Variants in PRPF3 observed in about 807,000 individuals in gnomAD.
The protein encoded by PRPF3 is pre-mRNA processing factor 3.
PRPF3 carries 3 observed loss-of-function variants against 89.2 expected under a neutral mutation model. That is an observed-to-expected ratio of 0.03 (90% CI 0.02 to 0.09). The LOEUF (loss-of-function observed/expected upper bound fraction) is 0.09, where lower values mean the gene tolerates loss of function less well. PRPF3 is among the 10% of genes least tolerant of loss of function. The pLI, the probability that PRPF3 is intolerant of heterozygous loss-of-function variation, is 1.00. For missense variants in PRPF3, 463 were observed against 828.8 expected, an observed-to-expected ratio of 0.56 and a Z score of 5.42; for synonymous variants, 270 against 289.1, an observed-to-expected ratio of 0.93 and a Z score of 0.67.
intron 4 of PRPF3, 138 bp from the exon 5 acceptor site, chr1:150,332,546 T>A: frequency 1.2e-6 from 1 of 823,790 alleles, no homozygotes; most frequent in Non-Finnish European, 2.1e-6. Context: ...TTTTGCACTG[T>A]GGTGCAGGCA....
chr1:150,335,477 T>A (rs115588870), intron 7 of PRPF3, among the ~76,000 whole-genome samples: 9 of 152,242 alleles, frequency 5.9e-5, no homozygotes, highest in African/African-American at 9.6e-5. Flanking sequence ...TATTATTATT[T>A]TTTTCGAGAT....
intron 9 of PRPF3, 67 bp downstream of exon 9, chr1:150,340,544 G>T: frequency 8.3e-7 from 1 of 1,212,098 alleles, no homozygotes; most frequent in South Asian, 1.2e-5. Context: ...ATACAGTGAG[G>T]AACATGTTCT....
At chr1:150,352,575 G>T (rs1659045652) in intron 15 of PRPF3, among the ~76,000 whole-genome samples, 1 of 152,192 alleles carries the variant, frequency 6.6e-6, no homozygotes, top group Non-Finnish European at 1.5e-5. Flanking sequence ...TGAGGCAGGA[G>T]AATGGTGTGA....
intron 8 of PRPF3, 104 bp from the exon 9 acceptor site, chr1:150,340,294 G>T (rs1016365079): frequency 1.3e-6 from 1 of 794,636 alleles, no homozygotes; most frequent in African/African-American, 1.7e-5. Context: ...TCAAGCACAA[G>T]AACCCATTAT....
rs1658312724 is a variant in PRPF3 at position 150,346,816 on chromosome 1, G to T, written c.1843+325G>T. Among the ~76,000 whole-genome samples, 3 of 152,188 alleles carry T rather than the reference G, an allele frequency of 2.0e-5. No homozygotes were observed. The South Asian group carries it at 6.2e-4, about 32-fold the overall frequency. On this transcript the variant is annotated intron_variant, in intron 14 of 15. Transcript: ENST00000324862. ...AAAATTCAGCAAGCAGCTAGGCATG[G>T]TGGCTCATGCCTGTAATCCTAGCAC...
chr1:150,340,620 T>C (rs782365472), intron 9 of PRPF3, 143 bp downstream of exon 9: 1 of 718,112 alleles, frequency 1.4e-6, no homozygotes. Context: ...TTCAGTTTTT[T>C]TCCTGACAAT....
At chr1:150,332,584 T>C (rs1263869650) in intron 4 of PRPF3, 100 bp from the exon 5 acceptor site, 1 of 1,151,232 alleles carries the variant, frequency 8.7e-7, no homozygotes, top group African/African-American at 1.5e-5. Context: ...TCAAAACATT[T>C]TAAGTGTCTA....
chr1:150,348,196 T>C (rs1369110692), intron 14 of PRPF3, among the ~76,000 whole-genome samples: 1 of 151,894 alleles, frequency 6.6e-6, no homozygotes, highest in Non-Finnish European at 1.5e-5. Context: ...CAGCCTGACA[T>C]GGTGAAACCC....
chr1:150,338,564 G>A (rs1425156328), intron 8 of PRPF3, among the ~76,000 whole-genome samples: 2 of 144,770 alleles, frequency 1.4e-5, no homozygotes, highest in African/African-American at 2.6e-5. Flanking sequence ...GCAGTGGCAC[G>A]ATCTCAGCTC....
chr1:150,338,237 C>T lies in PRPF3; in HGVS notation c.1113C>T (p.Ala371=). The part of the protein sequence containing the change: ...KTGIHTSTRL[A]LIAPKKELKE... ...GCATCCATACTTCGACTAGGCTTGC[C>T]CTCATTGCTCCTAAGAAGGAGCTAA... Residue 371 remains alanine (A), a synonymous_variant, in exon 8 of 16, where the codon GCC becomes GCT. Coordinates refer to ENST00000324862, the MANE Select transcript of PRPF3 (RefSeq NM_004698.4). 2 of 1,614,038 alleles carry T rather than the reference C, an allele frequency of 1.2e-6. No homozygotes were observed. The highest frequency in any genetic ancestry group is 8.5e-7 in the Non-Finnish European group (1 of 1,179,984).
chr1:150,337,093 C>T (rs587769430), intron 7 of PRPF3, among the ~76,000 whole-genome samples: 1 of 138,134 alleles, frequency 7.2e-6, no homozygotes, highest in South Asian at 2.3e-4. Context: ...GGCTGCAGTG[C>T]AGTGGCACGA....
chr1:150,343,283 G>T, intron 9 of PRPF3, 26 bp from the exon 10 acceptor site: 2 of 1,546,834 alleles, frequency 1.3e-6, no homozygotes, highest in South Asian at 1.1e-5. Context: ...TTACTGCTTT[G>T]GTATACTAAT....
chr1:150,334,275 T>C (rs1458745104), intron 6 of PRPF3, among the ~76,000 whole-genome samples: 1 of 152,118 alleles, frequency 6.6e-6, no homozygotes, highest in African/African-American at 2.4e-5. Context: ...CACTGTACTT[T>C]AGCCTGGGCA....
chr1:150,327,481 G>A (rs1488662239), intron 3 of PRPF3: 6 of 657,120 alleles, frequency 9.1e-6, no homozygotes, highest in East Asian at 1.4e-4. Flanking sequence ...CTTGGGATAC[G>A]GGTCCCATTT....
intron 14 of PRPF3, among the ~76,000 whole-genome samples, chr1:150,347,670 G>A (rs1553873289): frequency 6.6e-6 from 1 of 151,728 alleles, no homozygotes; most frequent in East Asian, 1.9e-4. Context: ...GGAGGTTGCA[G>A]TAAGCTGTGA....
intron 8 of PRPF3, among the ~76,000 whole-genome samples, chr1:150,339,219 A>G (rs1293388357): frequency 1.3e-5 from 2 of 151,312 alleles, no homozygotes; most frequent in African/African-American, 4.9e-5. Flanking sequence ...TTAAAAAAAA[A>G]AAAAAAGTAG....
chr1:150,337,056 T>TTTTTG (rs1657086531), intron 7 of PRPF3, among the ~76,000 whole-genome samples: 1 of 149,836 alleles, frequency 6.7e-6, no homozygotes, highest in African/African-American at 2.5e-5. Context: ...TTTTTTTTTT[T>TTTTTG]GAGACGGAGT....
chr1:150,326,425 T>C (rs1187948061), intron 3 of PRPF3, among the ~76,000 whole-genome samples: 1 of 152,178 alleles, frequency 6.6e-6, no homozygotes, highest in Non-Finnish European at 1.5e-5. Context: ...TTGGAGGAGT[T>C]GTCAGTACCC....
At chr1:150,346,248 T>A (rs1553872918) in intron 13 of PRPF3, 112 bp downstream of exon 13, 1 of 1,232,042 alleles carries the variant, frequency 8.1e-7, no homozygotes, top group African/African-American at 1.5e-5. Context: ...ATACCTGATA[T>A]AATATGCTAG....
Sources: gnomAD v4.1 joint callset for allele counts (sites outside exome capture counted in the v4.1 genomes callset) on GRCh38, gnomAD v4.1.1 for gene constraint, MANE v1.5 for transcripts, NCBI Gene and HGNC (gene_info 2026-07-23, HGNC 2026-07-21) for gene names.